Variants in EFCAB5 observed in about 807,000 individuals in gnomAD.
EFCAB5 encodes EF-hand calcium-binding domain-containing protein 5.
A neutral mutation model predicts 167.9 loss-of-function variants in EFCAB5; 131 were observed. That is an observed-to-expected ratio of 0.78 (90% CI 0.68 to 0.90). EFCAB5 has a LOEUF of 0.90. EFCAB5 is among the 40% of genes least tolerant of loss of function. EFCAB5 has a pLI of 0.00. For synonymous variants in EFCAB5, 574 were observed against 602.8 expected (o/e 0.95, Z 0.70); for missense variants, 1,663 against 1,745.2 (o/e 0.95, Z 0.84).
At chr17:29,982,646 A>G (rs1388297656) in intron 4 of EFCAB5, among the ~76,000 whole-genome samples, 1 of 152,188 alleles carries the variant, frequency 6.6e-6, no homozygotes, top group Admixed American at 6.5e-5. Flanking sequence ...AGATCTGTAC[A>G]TGATTGATTA....
rs575645788 is a variant in EFCAB5, at chr17:30,060,292, C to A, written c.2737+591C>A. Among the ~76,000 whole-genome samples the A allele has an allele frequency of 1.5e-3, 226 of 152,194 alleles. 10 individuals are homozygous for A. In the South Asian group the frequency reaches 0.044, roughly 29 times the overall value. The stretch of plus-strand genomic sequence containing the variant: ...TCCACAGTTCTGCTTGTTCTCTCTT[C>A]TTGTTTTATCTCTTTGTCTTCACTG... On this transcript the variant is annotated intron_variant, in intron 14 of 22. Transcript: ENST00000394835.
chr17:29,970,624 A>C (rs186791863), intron 4 of EFCAB5, among the ~76,000 whole-genome samples: 98 of 144,604 alleles, frequency 6.8e-4, no homozygotes, highest in Middle Eastern at 3.5e-3. Flanking sequence ...AGCGAGATCC[A>C]GTCTCAAAAA....
At chr17:29,957,964 G>A (rs1243456679) in intron 3 of EFCAB5, among the ~76,000 whole-genome samples, 3 of 152,164 alleles carry the variant, frequency 2.0e-5, no homozygotes, top group Non-Finnish European at 4.4e-5. Flanking sequence ...CAGTGTAAAA[G>A]TGTTCCTATT....
chr17:30,069,141 A>T (rs1340289980), intron 14 of EFCAB5: 6 of 1,542,030 alleles, frequency 3.9e-6, no homozygotes, highest in Non-Finnish European at 5.4e-6. Flanking sequence ...AGCTGGAACC[A>T]GAACCAAATG....
At chr17:30,009,850 T>C (rs948616661) in intron 7 of EFCAB5, among the ~76,000 whole-genome samples, 1 of 152,112 alleles carries the variant, frequency 6.6e-6, no homozygotes, top group African/African-American at 2.4e-5. Flanking sequence ...CTAGGGTACA[T>C]GTGCACAACA....
chr17:30,045,807 C>G (rs2069910778), intron 8 of EFCAB5, among the ~76,000 whole-genome samples: 1 of 151,492 alleles, frequency 6.6e-6, no homozygotes, highest in Non-Finnish European at 1.5e-5. Flanking sequence ...CAAGACCTGC[C>G]TGGGCAACAT....
chr17:29,974,674 T>C (rs1182600475), intron 4 of EFCAB5, among the ~76,000 whole-genome samples: 1 of 152,190 alleles, frequency 6.6e-6, no homozygotes, highest in East Asian at 1.9e-4. Flanking sequence ...CTCAAGATCA[T>C]GAAAATTTTG....
In EFCAB5 at chr17:29,969,189, A is replaced by C; in HGVS notation, c.589A>C (p.Lys197Gln). 1 of 1,613,468 alleles carries C rather than the reference A, an allele frequency of 6.2e-7. No individual in the cohort carries two copies. The highest frequency in any genetic ancestry group is 8.5e-7 in the Non-Finnish European group (1 of 1,179,834). ...CATGTTAACTCAAGTAGAAAAGAAG[A>C]AGGTTTTGACAGAAGCTGATACTCC... The part of the protein sequence containing the change: ...ENMLTQVEKK[K>Q]VLTEADTPSK... The change falls in exon 4 of 23, where the codon AAG becomes CAG. Residue 197 changes from lysine to glutamine, a missense_variant. Lys to Gln is a moderately conservative substitution (Grantham distance 53, BLOSUM62 1). Coordinates refer to ENST00000394835, the MANE Select transcript of EFCAB5 (RefSeq NM_198529.4).
intron 4 of EFCAB5, among the ~76,000 whole-genome samples, chr17:29,982,371 T>A (rs1057327099): frequency 5.9e-5 from 9 of 152,024 alleles, no homozygotes; most frequent in Non-Finnish European, 8.8e-5. Context: ...CCAGCCTAGG[T>A]GACAGAGCAA....
chr17:29,972,728 C>T (rs1430355511), intron 4 of EFCAB5: 2 of 217,716 alleles, frequency 9.2e-6, no homozygotes, highest in South Asian at 8.1e-5. Flanking sequence ...ATCCTGTGGC[C>T]GGCCAGAAAG....
intron 7 of EFCAB5, among the ~76,000 whole-genome samples, chr17:30,021,579 T>C (rs2069181445): frequency 1.3e-5 from 2 of 151,570 alleles, no homozygotes; most frequent in South Asian, 2.1e-4. Context: ...TAATTAATAT[T>C]AGTTTTCCTG....
chr17:30,107,046 C>T (rs2071458247), intron 22 of EFCAB5, among the ~76,000 whole-genome samples: 1 of 152,028 alleles, frequency 6.6e-6, no homozygotes, highest in Non-Finnish European at 1.5e-5. Context: ...ATCTGTTCAA[C>T]TCTATATAGT....
chr17:30,078,168 T>G (rs774455592), intron 14 of EFCAB5, 47 bp from the exon 15 acceptor site: 2 of 1,545,394 alleles, frequency 1.3e-6, no homozygotes, highest in Non-Finnish European at 1.7e-6. Context: ...CCCCCACCAA[T>G]GAGTGAACTT....
At chr17:30,071,628 T>C (rs7220463) in intron 14 of EFCAB5, among the ~76,000 whole-genome samples, 11,005 of 152,146 alleles carry the variant, frequency 0.072, 810 homozygotes, top group African/African-American at 0.19. Context: ...TACCATATGA[T>C]CTAATCTCAC....
Position 30,015,879 on chromosome 17 carries a change from A to G in EFCAB5, c.1044+15903A>G, listed in dbSNP as rs9944403. On this transcript the variant is annotated intron_variant, in intron 7 of 22. Transcript: ENST00000394835. ...CTGCAACCTCTGCCTCCCAGGTCCA[A>G]ACGATTCTCCTGCCTCAGCTTTCCA... Among the ~76,000 whole-genome samples the G allele has an allele frequency of 6.3e-3, 957 of 151,670 alleles. 5 individuals carry two copies. Among genetic ancestry groups the G allele is most frequent in the African/African-American group, 0.022 (919 of 41,302 alleles).
chr17:30,096,652 C>CATATATATATATATATAT (rs200424980), intron 22 of EFCAB5, among the ~76,000 whole-genome samples: 7 of 93,588 alleles, frequency 7.5e-5, no homozygotes, highest in African/African-American at 3.2e-4. Flanking sequence ...ATCCTGAAAG[C>CATATATATATATATATAT]ATATATATAT....
At chr17:29,937,256 G>A (rs970855815), upstream of EFCAB5, among the ~76,000 whole-genome samples, 9 of 151,688 alleles carry the variant, frequency 5.9e-5, no homozygotes, top group African/African-American at 1.7e-4. Context: ...GTGCAATCTC[G>A]GCTCACTGCA....
chr17:29,998,709 C>T (rs888079559), intron 6 of EFCAB5, among the ~76,000 whole-genome samples: 1 of 152,178 alleles, frequency 6.6e-6, no homozygotes, highest in African/African-American at 2.4e-5. Context: ...TTAGCACTTA[C>T]CAAATTCAAG....
intron 8 of EFCAB5, among the ~76,000 whole-genome samples, chr17:30,044,025 T>C (rs1157307636): frequency 6.6e-6 from 1 of 152,094 alleles, no homozygotes; most frequent in Non-Finnish European, 1.5e-5. Flanking sequence ...AAAATATTTA[T>C]GATATATTTA....
Sources: allele counts gnomAD v4.1 joint callset (sites outside exome capture counted in the v4.1 genomes callset), GRCh38; gene constraint gnomAD v4.1.1; transcripts MANE v1.5; gene names NCBI Gene and HGNC (gene_info 2026-07-23, HGNC 2026-07-21).